GATM: variants seen among roughly 807,000 people sequenced by gnomAD.
GATM encodes the protein glycine amidinotransferase.
GATM carries 23 observed loss-of-function variants against 54.2 expected under a neutral mutation model. The observed-to-expected ratio is 0.42, with a 90% CI of 0.31 to 0.60. GATM has a LOEUF of 0.60. GATM is among the 20% of genes least tolerant of loss of function. GATM has a pLI of 0.14. For synonymous variants in GATM, 168 were observed against 183.1 expected (o/e 0.92, Z 0.67); for missense variants, 401 against 544.9 (o/e 0.74, Z 2.63).
intron 2 of GATM, among the ~76,000 whole-genome samples, chr15:45,374,224 A>G (rs1889590646): frequency 6.6e-6 from 1 of 152,192 alleles, no homozygotes. Context: ...TACCTAATTA[A>G]TCCCAGACTC....
chr15:45,364,775 CAG>C lies in GATM; in HGVS notation c.1042+20_1042+21del, dbSNP rs1405769226. 2 of 1,595,810 alleles carry C rather than the reference CAG, an allele frequency of 1.3e-6. No individual in the cohort carries two copies. On this transcript the variant is annotated intron_variant, in intron 7 of 8. Transcript: ENST00000396659. The stretch of plus-strand genomic sequence containing the variant: ...CACTAAAGTAATTATTTTAGTCTAA[CAG>C]TGTATGAAAGTAAACATACCGTCTG...
chr15:45,366,019 T>C lies in GATM; in HGVS notation c.978+27A>G, dbSNP rs1271545155. 5 of 1,612,692 alleles carry C rather than the reference T, an allele frequency of 3.1e-6. No homozygotes were observed. The Admixed American group carries it at 5.0e-5, about 16-fold the overall frequency. On this transcript the variant is annotated intron_variant, in intron 6 of 8. Transcript: ENST00000396659. ...ATTTTAGTTACTAGATTCTGTTGCT[T>C]TTCCAGAGTCCCAAGAAATCTCTTA...
At chr15:45,393,309 G>A (rs1889891468) in intron 3 of GATM, among the ~76,000 whole-genome samples, 1 of 152,096 alleles carries the variant, frequency 6.6e-6, no homozygotes, top group African/African-American at 2.4e-5. Flanking sequence ...TGGAAACTTT[G>A]GAGCCAGCCA....
chr15:45,364,060 TG>T, intron 7 of GATM, 44 bp from the exon 8 acceptor site: 3 of 1,158,574 alleles, frequency 2.6e-6, no homozygotes, highest in African/African-American at 3.0e-5. Flanking sequence ...CTATCATTTT[TG>T]TTTAAAGCAA....
intron 8 of GATM, 40 bp downstream of exon 8, chr15:45,363,860 G>A (rs762882352): frequency 2.3e-5 from 28 of 1,194,588 alleles, no homozygotes; most frequent in Admixed American, 8.4e-5. Flanking sequence ...CTCATTTAAC[G>A]TTTTCATGTA....
chr15:45,378,643 G>C, upstream of GATM: 1 of 456,888 alleles, frequency 2.2e-6, no homozygotes, highest in Non-Finnish European at 3.8e-6. Flanking sequence ...TGGGGCCGGC[G>C]TAGCGCCCCG....
chr15:45,376,103 A>C (rs1889627408), intron 2 of GATM, among the ~76,000 whole-genome samples: 2 of 152,236 alleles, frequency 1.3e-5, no homozygotes, highest in Non-Finnish European at 2.9e-5. Context: ...AATAATTAAA[A>C]GGCAGGAATG....
At chr15:45,381,455 CAG>C (rs1192624732), upstream of GATM, among the ~76,000 whole-genome samples, 4 of 152,118 alleles carry the variant, frequency 2.6e-5, no homozygotes, top group African/African-American at 7.2e-5. Flanking sequence ...CAACAAAGCA[CAG>C]AGTTTTTGAA....
chr15:45,402,086 G>C (rs977788453), exon 1 of GATM: 1 of 275,542 alleles, frequency 3.6e-6, no homozygotes, highest in Non-Finnish European at 6.8e-6. Context: ...AGAATGTAAA[G>C]CCGGTGACTT....
chr15:45,376,413 AAG>A (rs1889635615), intron 2 of GATM, among the ~76,000 whole-genome samples, 186 bp downstream of exon 2: 1 of 36,764 alleles, frequency 2.7e-5, no homozygotes, highest in South Asian at 1.1e-3. Context: ...GAGCTTCAGG[AAG>A]CTCTTCAGGA....
chr15:45,397,218 T>C (rs1488254987), intron 2 of GATM: 1 of 152,024 alleles, frequency 6.6e-6, no homozygotes, highest in Non-Finnish European at 1.5e-5. Flanking sequence ...TTCACTCTCG[T>C]TCCTGACATG....
chr15:45,374,613 C>T (rs1484142202), intron 2 of GATM, among the ~76,000 whole-genome samples: 1 of 152,196 alleles, frequency 6.6e-6, no homozygotes, highest in Non-Finnish European at 1.5e-5. Context: ...AAGTCTAACT[C>T]AGGAGTCATT....
At chr15:45,378,183 G>C in intron 1 of GATM, 1 of 478,380 alleles carries the variant, frequency 2.1e-6, no homozygotes, top group Non-Finnish European at 3.7e-6. Context: ...CTGACTGGGG[G>C]ACGCCGCCCA....
chr15:45,373,783 T>C (rs971588577), intron 2 of GATM, among the ~76,000 whole-genome samples: 3 of 152,214 alleles, frequency 2.0e-5, no homozygotes, highest in Non-Finnish European at 2.9e-5. Flanking sequence ...CTAGGATCCA[T>C]GCATGTCTTA....
At chr15:45,399,311 G>C (rs1889970906) in intron 2 of GATM, among the ~76,000 whole-genome samples, 1 of 152,158 alleles carries the variant, frequency 6.6e-6, no homozygotes, top group Non-Finnish European at 1.5e-5. Context: ...GTGAAAATAA[G>C]TCAGTTACTG....
At chr15:45,385,713 A>G (rs1466055224) in intron 3 of GATM, among the ~76,000 whole-genome samples, 1 of 152,224 alleles carries the variant, frequency 6.6e-6, no homozygotes, top group Non-Finnish European at 1.5e-5. Context: ...TAAGCAATAA[A>G]GATTTCTCTG....
rs373847362 is a variant in GATM, at chr15:45,386,870, G to A, written c.-318-10051C>T. 2.6e-5 allele frequency among the ~76,000 whole-genome samples: 4 copies of A among 152,116 alleles called. 1 individual carries two copies. Among genetic ancestry groups the A allele is most frequent in the Admixed American group, 1.3e-4 (2 of 15,270 alleles). On this transcript the variant is annotated intron_variant, in intron 3 of 4. Transcript: ENST00000561148. Reference sequence around the variant, plus strand: ...GTGACAAAACGTCCTCCATAGTCACGTTCTCCCTGCTAAAGAAAGGTCTGT... The same window carrying A: ...GTGACAAAACGTCCTCCATAGTCACATTCTCCCTGCTAAAGAAAGGTCTGT...
At chr15:45,386,851 A>G (rs1338958018) in intron 3 of GATM, among the ~76,000 whole-genome samples, 1 of 152,172 alleles carries the variant, frequency 6.6e-6, no homozygotes, top group Non-Finnish European at 1.5e-5. Context: ...TTAAGTGACA[A>G]AACGTCCTCC....
chr15:45,383,902 A>C (rs1889774503), intron 3 of GATM, among the ~76,000 whole-genome samples: 3 of 152,210 alleles, frequency 2.0e-5, no homozygotes, highest in Admixed American at 2.0e-4. Flanking sequence ...TTTACTGAGC[A>C]CTTACTATGT....
Sources: allele counts gnomAD v4.1 joint callset (sites outside exome capture counted in the v4.1 genomes callset), GRCh38; gene constraint gnomAD v4.1.1; transcripts MANE v1.5; gene names NCBI Gene and HGNC (gene_info 2026-07-23, HGNC 2026-07-21).